Variants in TEX48 observed in about 807,000 individuals in gnomAD.
The protein encoded by TEX48 is testis-expressed protein 48.
TEX48 carries 10 observed loss-of-function variants against 13.2 expected under a neutral mutation model. That is an observed-to-expected ratio of 0.75 (90% CI 0.47 to 1.28). The LOEUF is 1.28. TEX48 is among the 50% of genes most tolerant of loss of function. The probability of loss-of-function intolerance (pLI) is 0.00; values close to 1 mark genes in which losing one functional copy is unlikely to be tolerated. For missense variants in TEX48, 116 were observed against 139.4 expected (o/e 0.83, Z 0.84); for synonymous variants, 45 against 52.3 (o/e 0.86, Z 0.60).
chr9:114,677,395 A>G (rs1261867472), intron 1 of TEX48, among the ~76,000 whole-genome samples: 2 of 152,202 alleles, frequency 1.3e-5, no homozygotes, highest in Non-Finnish European at 2.9e-5. Flanking sequence ...AGAAATTTAT[A>G]CAGGCAGTTA....
rs1010589138 is a variant in TEX48, at chr9:114,668,206, C to T, written c.259G>A (p.Asp87Asn). ...GTTAGGACCCCAATTTGGGACTCACCCTCAAACTCACTGCTGCTGGAGGAA... is the reference window on the plus strand; with the variant it reads ...GTTAGGACCCCAATTTGGGACTCACTCTCAAACTCACTGCTGCTGGAGGAA... ...STSSSSSEFE[D>N]LNAYASQRNF... Residue 87 changes from aspartate to asparagine, a missense_variant and splice_region_variant, in exon 4 of 5, where the codon GAT becomes AAT. Coordinates refer to ENST00000436752, the MANE Select transcript of TEX48 (RefSeq NM_001199233.2). 6.5e-7 allele frequency: 1 copy of T among 1,535,626 alleles called. No individual in the cohort carries two copies. Among genetic ancestry groups the T allele is most frequent in the Admixed American group, 2.0e-5 (1 of 50,992 alleles).
At chr9:114,667,215 G>C (rs1827857129) in intron 4 of TEX48, among the ~76,000 whole-genome samples, 1 of 152,210 alleles carries the variant, frequency 6.6e-6, no homozygotes. Flanking sequence ...TCTGTGAAAT[G>C]CTGTTTTCAA....
At chr9:114,669,286 T>A (rs1827900513) in intron 3 of TEX48, among the ~76,000 whole-genome samples, 1 of 152,128 alleles carries the variant, frequency 6.6e-6, no homozygotes, top group Admixed American at 6.5e-5. Context: ...TTTATTTATT[T>A]ATTTATTTTT....
At position 114,668,339 on chromosome 9, in the gene TEX48, T is replaced by A; in HGVS notation, c.128-2A>T. 1 of 1,535,586 alleles carries A rather than the reference T, an allele frequency of 6.5e-7. No individual in the cohort carries two copies. The highest frequency in any genetic ancestry group is 1.7e-4 in the Middle Eastern group (1 of 5,990). ...GCTCATCCTTCTGAAGCAGCAAATC[T>A]GGCAATGAGAATTCCACAGGGTCAC... On this transcript the variant is annotated splice_acceptor_variant, in intron 3 of 4. Coordinates refer to ENST00000436752, the MANE Select transcript of TEX48 (RefSeq NM_001199233.2). LOFTEE classifies it high-confidence loss of function.
Position 114,666,634 on chromosome 9 carries a change from C to A in TEX48, c.*9G>T. On this transcript the variant is annotated 3_prime_UTR_variant, in exon 5 of 5. Coordinates refer to ENST00000436752, the MANE Select transcript of TEX48 (RefSeq NM_001199233.2). ...GCCCCAGCAGCTGTGCAGCCGCCGG[C>A]TAGAATGCTCAGGGCCTCCCAGTGA... 6.7e-7 allele frequency: 1 copy of A among 1,493,944 alleles called. No individual in the cohort carries two copies. The highest frequency in any genetic ancestry group is 1.2e-5 in the South Asian group (1 of 82,414). 92.5% of individuals were successfully genotyped at this position (1,493,944 alleles called of 1,614,324 possible). A position where few individuals can be genotyped will look rare whatever the true frequency, so the allele number is the denominator to read the frequency against.
In TEX48 at chr9:114,673,025, C is replaced by T. The variant is rs537587530; in HGVS notation, c.-104-1198G>A. ...GATGAAGAGTACCCCACTGACCTTG[C>T]GGGATGCTACCAAGCTGTATAACAT... On this transcript the variant is annotated intron_variant, in intron 1 of 4. Coordinates refer to ENST00000436752, the MANE Select transcript of TEX48 (RefSeq NM_001199233.2). Among the ~76,000 whole-genome samples, 8 of 152,164 alleles carry T rather than the reference C, an allele frequency of 5.3e-5. No homozygotes were observed. The South Asian group carries it at 8.3e-4, about 16-fold the overall frequency.
chr9:114,670,404 T>C (rs1827924283), intron 3 of TEX48, among the ~76,000 whole-genome samples: 1 of 152,192 alleles, frequency 6.6e-6, no homozygotes, highest in African/African-American at 2.4e-5. Flanking sequence ...TGTCTCTCAG[T>C]GGGACTCTGC....
At position 114,677,158 on chromosome 9, in the gene TEX48, T is replaced by A. The variant is rs1828089160; in HGVS notation, c.-105+4877A>T. 3.9e-5 allele frequency among the ~76,000 whole-genome samples: 6 copies of A among 152,264 alleles called. No individual in the cohort carries two copies. The South Asian group carries it at 1.2e-3, about 32-fold the overall frequency. ...TGTCACCATTGTGTGGATTTTTTGGTCAAAGTGGGGGCACTCACTAGGTCC... is the reference window on the plus strand; with the variant it reads ...TGTCACCATTGTGTGGATTTTTTGGACAAAGTGGGGGCACTCACTAGGTCC... On this transcript the variant is annotated intron_variant, in intron 1 of 4. Transcript: ENST00000436752.
In TEX48 at chr9:114,671,523, A is replaced by G; in HGVS notation, c.5-18T>C. 1 of 1,479,306 alleles carries G rather than the reference A, an allele frequency of 6.8e-7. No individual in the cohort carries two copies. Among genetic ancestry groups the G allele is most frequent in the South Asian group, 1.2e-5 (1 of 82,396 alleles). The allele number at this position is 1,479,306 out of a possible 1,614,324, so 91.6% of individuals were successfully genotyped here. On this transcript the variant is annotated intron_variant, in intron 2 of 4. Transcript: ENST00000436752. ...GTGGGCTGCTGTTGGAGGCAAAGGA[A>G]TGAGGGGCATGGGTTCCGGAATCTG...
intron 1 of TEX48, among the ~76,000 whole-genome samples, chr9:114,677,243 G>GTTTA (rs386415977): frequency 8.0e-5 from 12 of 150,242 alleles, no homozygotes; most frequent in African/African-American, 2.9e-4. Flanking sequence ...GTTTTTGTTT[G>GTTTA]TTTGTTTGTT....
intron 1 of TEX48, among the ~76,000 whole-genome samples, chr9:114,672,059 T>A (rs967118523): frequency 6.6e-6 from 1 of 152,228 alleles, no homozygotes; most frequent in East Asian, 1.9e-4. Flanking sequence ...TAGCAGTGCC[T>A]ACTTTGCAGG....
intron 4 of TEX48, among the ~76,000 whole-genome samples, chr9:114,667,230 G>T (rs1827857452): frequency 6.6e-6 from 1 of 152,186 alleles, no homozygotes; most frequent in South Asian, 2.1e-4. Flanking sequence ...TTTCAAGGGG[G>T]TTTAGTTGTT....
chr9:114,680,693 C>A (rs73559580), intron 1 of TEX48, among the ~76,000 whole-genome samples: 4,674 of 152,240 alleles, frequency 0.031, 257 homozygotes, highest in African/African-American at 0.11. Context: ...GACCAGAAGG[C>A]AGATAATGAG....
At chr9:114,679,584 G>T (rs750698501) in intron 1 of TEX48, among the ~76,000 whole-genome samples, 1 of 152,162 alleles carries the variant, frequency 6.6e-6, no homozygotes, top group Non-Finnish European at 1.5e-5. Flanking sequence ...TGTTTCTTAT[G>T]TGGAGATCAG....
At position 114,674,602 on chromosome 9, in the gene TEX48, TTTCCTTCCTTCCTTCCTTCC is replaced by T. The variant is rs770645165; in HGVS notation, c.-104-2795_-104-2776del. ...TCTTTTTTTCTCTTTTCTCTTTTTC[TTTCCTTCCTTCCTTCCTTCC>T]TTCCTTCCTTCCTTCCTTCCTTCCT... On this transcript the variant is annotated intron_variant, in intron 1 of 4. Transcript: ENST00000436752. 6.6e-3 allele frequency among the ~76,000 whole-genome samples: 357 copies of T among 54,318 alleles called. 1 individual carries two copies. The highest frequency in any genetic ancestry group is 9.0e-3 in the Non-Finnish European group (273 of 30,344). The allele number at this position is 54,318 out of a possible 152,430, so 35.6% of individuals were successfully genotyped here.
intron 1 of TEX48, among the ~76,000 whole-genome samples, chr9:114,679,146 G>T (rs772924197): frequency 6.6e-6 from 1 of 151,804 alleles, no homozygotes; most frequent in Non-Finnish European, 1.5e-5. Flanking sequence ...AGTAAAAGGA[G>T]CCCTTTCTTT....
intron 1 of TEX48, among the ~76,000 whole-genome samples, chr9:114,673,487 AAAG>A (rs1296084224): frequency 1.3e-5 from 2 of 151,096 alleles, no homozygotes; most frequent in African/African-American, 2.4e-5. Context: ...AAAAAAAAGA[AAAG>A]AAAAGAAAAT....
At chr9:114,673,206 C>T (rs1414258291) in intron 1 of TEX48, among the ~76,000 whole-genome samples, 2 of 152,148 alleles carry the variant, frequency 1.3e-5, no homozygotes, top group Admixed American at 1.3e-4. Context: ...GGCGCGGTGG[C>T]TCATGCCTGT....
chr9:114,681,350 C>A (rs1828197450), intron 1 of TEX48, among the ~76,000 whole-genome samples: 2 of 152,078 alleles, frequency 1.3e-5, no homozygotes, highest in African/African-American at 4.8e-5. Flanking sequence ...AGTTTTTGAA[C>A]CCTCTTCAAG....
Sources: gnomAD v4.1 joint callset for allele counts (sites outside exome capture counted in the v4.1 genomes callset) on GRCh38, gnomAD v4.1.1 for gene constraint, MANE v1.5 for transcripts, NCBI Gene and HGNC (gene_info 2026-07-23, HGNC 2026-07-21) for gene names.